The following ZBTB20 variants were observed in gnomAD, a reference collection of about 807,000 sequenced individuals.
ZBTB20 encodes the protein zinc finger and BTB domain-containing protein 20.
ZBTB20 carries 9 observed loss-of-function variants against 56.9 expected under a neutral mutation model. That is an observed-to-expected ratio of 0.16 (90% CI 0.10 to 0.28). ZBTB20 has a LOEUF of 0.28. Ranked by LOEUF, ZBTB20 falls within the 10% of genes least tolerant of loss-of-function variation. ZBTB20 has a pLI of 1.00. For synonymous variants in ZBTB20, 417 were observed against 420.7 expected (o/e 0.99, Z 0.11); for missense variants, 655 against 1,003.0 (o/e 0.65, Z 4.69).
At chr3:114,641,513 T>A (rs983017555) in intron 6 of ZBTB20, among the ~76,000 whole-genome samples, 1 of 151,748 alleles carries the variant, frequency 6.6e-6, no homozygotes, top group African/African-American at 2.4e-5. Context: ...CTTATATAGA[T>A]AATTTTTCCA....
chr3:115,125,551 G>C (rs2084307517), intron 1 of ZBTB20, among the ~76,000 whole-genome samples: 1 of 152,114 alleles, frequency 6.6e-6, no homozygotes, highest in African/African-American at 2.4e-5. Context: ...AGAGAGAATG[G>C]TGACTACCAG....
chr3:114,434,558 T>TGTGTTTGTGTGTGTGTG (rs1576744101), intron 7 of ZBTB20, among the ~76,000 whole-genome samples: 1 of 145,944 alleles, frequency 6.9e-6, no homozygotes, highest in South Asian at 2.2e-4. Flanking sequence ...GTGTGTGTGT[T>TGTGTTTGTGTGTGTGTG]TGTGTGTGTG....
intron 7 of ZBTB20, among the ~76,000 whole-genome samples, chr3:114,411,786 T>C (rs959539996): frequency 1.3e-5 from 2 of 152,064 alleles, no homozygotes; most frequent in African/African-American, 4.8e-5. Context: ...AAAATAATAT[T>C]GAAGCACATT....
At chr3:114,706,231 C>G (rs2063709318) in intron 5 of ZBTB20, among the ~76,000 whole-genome samples, 1 of 152,116 alleles carries the variant, frequency 6.6e-6, no homozygotes, top group East Asian at 1.9e-4. Flanking sequence ...ACCTATTTTG[C>G]AGGAACGTTG....
At chr3:115,110,168 C>T (rs770557067) in intron 1 of ZBTB20, among the ~76,000 whole-genome samples, 14 of 150,582 alleles carry the variant, frequency 9.3e-5, no homozygotes, top group South Asian at 2.1e-4. Context: ...GCAGAGATCA[C>T]GCCACTGCAC....
intron 2 of ZBTB20, among the ~76,000 whole-genome samples, chr3:115,043,048 C>A (rs1452322960): frequency 6.6e-6 from 1 of 152,166 alleles, no homozygotes; most frequent in Non-Finnish European, 1.5e-5. Context: ...TCTATAATTT[C>A]TGGCCTTTCC....
At chr3:114,512,238 C>T (rs1356250290) in intron 6 of ZBTB20, among the ~76,000 whole-genome samples, 2 of 152,228 alleles carry the variant, frequency 1.3e-5, no homozygotes, top group Admixed American at 1.3e-4. Context: ...TGTTAAATAT[C>T]AACTCTTTCA....
intron 5 of ZBTB20, among the ~76,000 whole-genome samples, chr3:114,763,161 T>A (rs1292195525): frequency 6.6e-6 from 1 of 152,166 alleles, no homozygotes; most frequent in Non-Finnish European, 1.5e-5. Context: ...TTAAACTTGT[T>A]AAGTGATGAT....
At chr3:114,544,773 G>T (rs1456237312) in intron 6 of ZBTB20, among the ~76,000 whole-genome samples, 1 of 151,944 alleles carries the variant, frequency 6.6e-6, no homozygotes, top group Admixed American at 6.6e-5. Flanking sequence ...CCAAAGTGCT[G>T]GAATTACAGG....
intron 4 of ZBTB20, among the ~76,000 whole-genome samples, chr3:114,834,133 G>A (rs191381121): frequency 6.5e-4 from 99 of 152,200 alleles, no homozygotes; most frequent in Non-Finnish European, 1.2e-3. Context: ...ATGCTATGAA[G>A]CAGTTTGGTA....
intron 5 of ZBTB20, among the ~76,000 whole-genome samples, chr3:114,710,610 G>A (rs2064006299): frequency 6.6e-6 from 1 of 152,036 alleles, no homozygotes; most frequent in Non-Finnish European, 1.5e-5. Context: ...AAACCACATT[G>A]AGACCCTCAG....
chr3:115,106,595 G>A (rs767556949), intron 1 of ZBTB20, among the ~76,000 whole-genome samples: 1 of 152,094 alleles, frequency 6.6e-6, no homozygotes, highest in Non-Finnish European at 1.5e-5. Context: ...CGGGCCCAAG[G>A]ACAATAGTAG....
chr3:114,658,002 T>C (rs2060507225), intron 6 of ZBTB20, among the ~76,000 whole-genome samples: 2 of 152,180 alleles, frequency 1.3e-5, no homozygotes, highest in African/African-American at 4.8e-5. Flanking sequence ...AAAGTGTCTA[T>C]AGGGCTTCCT....
At position 114,478,225 on chromosome 3, in the gene ZBTB20, C is replaced by G. The variant is rs370798889; in HGVS notation, c.-255+22127G>C. ...AGGTGATCCGCCTGCCTCGGCCTCC[C>G]AAAGTGCTGGGATTACAGGCGTGAG... On this transcript the variant is annotated intron_variant, in intron 7 of 11. Transcript: ENST00000675478. 1.8e-4 allele frequency among the ~76,000 whole-genome samples: 28 copies of G among 152,286 alleles called. 1 individual carries two copies. In the East Asian group the frequency reaches 5.2e-3, roughly 28 times the overall value.
intron 6 of ZBTB20, among the ~76,000 whole-genome samples, chr3:114,542,717 G>A (rs2049266551): frequency 6.6e-6 from 1 of 152,128 alleles, no homozygotes; most frequent in Non-Finnish European, 1.5e-5. Flanking sequence ...TACCTACTTG[G>A]TTTTTCTCCT....
At chr3:114,793,677 C>A (rs950365896) in intron 5 of ZBTB20, among the ~76,000 whole-genome samples, 1 of 152,084 alleles carries the variant, frequency 6.6e-6, no homozygotes, top group East Asian at 1.9e-4. Context: ...CCATAGAAAA[C>A]TAACTAGCAT....
intron 4 of ZBTB20, among the ~76,000 whole-genome samples, chr3:114,834,569 G>A (rs544470400): frequency 6.6e-6 from 1 of 152,142 alleles, no homozygotes; most frequent in East Asian, 1.9e-4. Context: ...CATTGCTTTG[G>A]TGCTAAAATA....
intron 7 of ZBTB20, among the ~76,000 whole-genome samples, chr3:114,425,624 A>G (rs1341842295): frequency 6.6e-6 from 1 of 152,100 alleles, no homozygotes; most frequent in African/African-American, 2.4e-5. Context: ...TCAAAGAACT[A>G]TCTTAAGGCC....
At chr3:114,717,578 A>G (rs900509985) in intron 5 of ZBTB20, among the ~76,000 whole-genome samples, 1 of 152,172 alleles carries the variant, frequency 6.6e-6, no homozygotes, top group Non-Finnish European at 1.5e-5. Flanking sequence ...AAACAGAAAC[A>G]AAACCTACCA....
Sources: gnomAD v4.1 joint callset for allele counts (sites outside exome capture counted in the v4.1 genomes callset) on GRCh38, gnomAD v4.1.1 for gene constraint, MANE v1.5 for transcripts, NCBI Gene and HGNC (gene_info 2026-07-23, HGNC 2026-07-21) for gene names.